MGA: variants seen among roughly 807,000 people sequenced by gnomAD.
The protein encoded by MGA is MAX gene-associated protein.
In MGA, 40 loss-of-function variants were observed where a neutral mutation model predicts 261.1. The ratio of observed to expected loss-of-function variants is 0.15; its 90% CI spans 0.12 to 0.20. The LOEUF (loss-of-function observed/expected upper bound fraction) is 0.20. MGA is among the 10% of genes least tolerant of loss of function. MGA has a pLI of 1.00. For synonymous variants in MGA, 1,302 were observed against 1,290.6 expected, an observed-to-expected ratio of 1.01 and a Z score of -0.19; for missense variants, 3,397 against 3,630.5, an observed-to-expected ratio of 0.94 and a Z score of 1.65.
At chr15:41,753,402 C>T (rs2062966171) in intron 17 of MGA, among the ~76,000 whole-genome samples, 1 of 150,052 alleles carries the variant, frequency 6.7e-6, no homozygotes, top group Non-Finnish European at 1.5e-5. Flanking sequence ...TGAGGGGGCA[C>T]AGAAATGTTG....
chr15:41,734,168 G>A (rs1348578725), intron 11 of MGA, among the ~76,000 whole-genome samples: 2 of 151,608 alleles, frequency 1.3e-5, no homozygotes, highest in African/African-American at 2.4e-5. Context: ...TCGGCCTCTC[G>A]GAATGCTGGG....
At chr15:41,715,669 A>C (rs1445640734) in intron 9 of MGA, among the ~76,000 whole-genome samples, 1 of 152,190 alleles carries the variant, frequency 6.6e-6, no homozygotes, top group Non-Finnish European at 1.5e-5. Context: ...AATAAATTAA[A>C]ATATATTAAT....
At chr15:41,763,092 C>CTTTTTTTTTTTTTTTTT (rs71108131) in intron 22 of MGA, among the ~76,000 whole-genome samples, 2 of 63,952 alleles carry the variant, frequency 3.1e-5, no homozygotes, top group Non-Finnish European at 2.9e-5. Flanking sequence ...TTCTTTCTTC[C>CTTTTTTTTTTTTTTTTT]TTTTTTTTTT....
intron 11 of MGA, among the ~76,000 whole-genome samples, chr15:41,734,051 G>A (rs1411883720): frequency 1.3e-5 from 2 of 151,786 alleles, no homozygotes; most frequent in East Asian, 3.9e-4. Flanking sequence ...GGGACTATAG[G>A]TGTGTGCCAC....
intron 22 of MGA, among the ~76,000 whole-genome samples, chr15:41,764,054 G>T (rs896328547): frequency 6.6e-6 from 1 of 151,890 alleles, no homozygotes; most frequent in Non-Finnish European, 1.5e-5. Context: ...AGCTACTTGG[G>T]AGGCTGAGGC....
At chr15:41,626,285 CTT>C (rs35419067) in intron 1 of MGA, among the ~76,000 whole-genome samples, 102 of 137,852 alleles carry the variant, frequency 7.4e-4, no homozygotes, top group East Asian at 1.7e-3. Context: ...CTATTTTCCT[CTT>C]TTTTTTTTTT....
chr15:41,760,998 C>A (rs1422967658), intron 20 of MGA, among the ~76,000 whole-genome samples: 3 of 152,214 alleles, frequency 2.0e-5, no homozygotes, highest in South Asian at 2.1e-4. Context: ...CTTGAACTCC[C>A]GACCTCCAGT....
intron 11 of MGA, among the ~76,000 whole-genome samples, chr15:41,732,391 G>A (rs891141189): frequency 6.6e-6 from 1 of 152,052 alleles, no homozygotes; most frequent in African/African-American, 2.4e-5. Context: ...GTCGTGATCC[G>A]CGCACCTCAG....
intron 2 of MGA, chr15:41,684,245 G>C (rs2058827473): frequency 3.5e-6 from 1 of 283,412 alleles, no homozygotes; most frequent in South Asian, 3.3e-5. Context: ...GTTTTATCAT[G>C]AGTATTTAAA....
chr15:41,641,432 A>G (rs7166413), intron 1 of MGA, among the ~76,000 whole-genome samples: 2,698 of 149,116 alleles, frequency 0.018, 78 homozygotes, highest in African/African-American at 0.064. Flanking sequence ...TACCTATACT[A>G]TTTTATATTT....
At chr15:41,703,434 G>A (rs1326680921) in intron 5 of MGA, among the ~76,000 whole-genome samples, 1 of 119,716 alleles carries the variant, frequency 8.4e-6, no homozygotes, top group Non-Finnish European at 1.6e-5. Flanking sequence ...AAGTCATTAT[G>A]CTTAGCTCAC....
At chr15:41,758,580 A>C (rs1311009210) in intron 19 of MGA, among the ~76,000 whole-genome samples, 1 of 152,184 alleles carries the variant, frequency 6.6e-6, no homozygotes, top group Non-Finnish European at 1.5e-5. Flanking sequence ...TTTTTCAGAT[A>C]TAACAAGAAT....
chr15:41,753,913 A>G lies in MGA; in HGVS notation c.7009-524A>G, dbSNP rs74939335. Among the ~76,000 whole-genome samples, 303 of 152,096 alleles carry G rather than the reference A, an allele frequency of 2.0e-3. 2 individuals carry two copies. Among genetic ancestry groups the G allele is most frequent in the African/African-American group, 6.7e-3 (277 of 41,512 alleles). On this transcript the variant is annotated intron_variant, in intron 17 of 23. Coordinates refer to ENST00000219905, the MANE Select transcript of MGA (RefSeq NM_001164273.2). ...CTGTTAAGTTTAATTATGTCTGTTTATTTATTTTTTATTTAATTTGTTTTG... is the reference window on the plus strand; with the variant it reads ...CTGTTAAGTTTAATTATGTCTGTTTGTTTATTTTTTATTTAATTTGTTTTG...
intron 13 of MGA, among the ~76,000 whole-genome samples, chr15:41,737,792 C>G (rs548794441): frequency 2.0e-5 from 3 of 151,532 alleles, no homozygotes; most frequent in Non-Finnish European, 4.4e-5. Context: ...CTAGCCTGGC[C>G]GACATGGCAA....
At chr15:41,740,466 A>T (rs2151836233) in intron 14 of MGA, among the ~76,000 whole-genome samples, 1 of 152,132 alleles carries the variant, frequency 6.6e-6, no homozygotes, top group East Asian at 1.9e-4. Flanking sequence ...CTTGAAGGCA[A>T]GTTTTATAGT....
chr15:41,684,046 A>G (rs913622361), intron 2 of MGA, among the ~76,000 whole-genome samples: 2 of 152,044 alleles, frequency 1.3e-5, no homozygotes, highest in Non-Finnish European at 2.9e-5. Flanking sequence ...TCCTGTGTGC[A>G]CCCTTATTGC....
In MGA at chr15:41,696,132, C is replaced by T. The variant is rs1165749091; in HGVS notation, c.1122C>T (p.Asn374=). 18 of 1,613,654 alleles carry T rather than the reference C, an allele frequency of 1.1e-5. No individual in the cohort carries two copies. The highest frequency in any genetic ancestry group is 5.3e-5 in the African/African-American group (4 of 74,826). ...GTGTAGCCTCACCGTTAGACCAGAA[C>T]GGAAGCTTCAATGTTGTTATTAAAG... Residue 374 remains asparagine (N), a synonymous_variant, in exon 3 of 24, where the codon AAC becomes AAT. Coordinates refer to ENST00000219905, the MANE Select transcript of MGA (RefSeq NM_001164273.2).
chr15:41,668,329 C>A (rs976056621), intron 1 of MGA, among the ~76,000 whole-genome samples: 1 of 151,960 alleles, frequency 6.6e-6, no homozygotes, highest in African/African-American at 2.4e-5. Context: ...TTTATGGAAC[C>A]ATGTCTTCTG....
In MGA at chr15:41,711,318, A is replaced by T. The variant is rs766384267; in HGVS notation, c.3053A>T (p.Asp1018Val). The T allele has an allele frequency of 1.9e-6, 3 of 1,611,754 alleles. No homozygotes were observed. Among genetic ancestry groups the T allele is most frequent in the South Asian group, 1.1e-5 (1 of 90,762 alleles). ...ACATACATCACAGAAGAGCGAGCAG[A>T]TGTATCCTTAACAACTCTACTTACA... The change falls in exon 8 of 24, where the codon GAT (aspartate) becomes GTT (valine). Residue 1018 changes from aspartate (D) to valine (V), a missense_variant. Transcript: ENST00000219905.
Sources: allele counts gnomAD v4.1 joint callset (sites outside exome capture counted in the v4.1 genomes callset), GRCh38; gene constraint gnomAD v4.1.1; transcripts MANE v1.5; gene names NCBI Gene and HGNC (gene_info 2026-07-23, HGNC 2026-07-21).